AMOTL1: variants seen among roughly 807,000 people sequenced by gnomAD.
AMOTL1 encodes angiomotin like 1.
In AMOTL1, 45 loss-of-function variants were observed where a neutral mutation model predicts 102.9. That is an observed-to-expected ratio of 0.44 (90% CI 0.34 to 0.56). The LOEUF (loss-of-function observed/expected upper bound fraction) is 0.56, where lower values mean the gene tolerates loss of function less well. AMOTL1 is among the 20% of genes least tolerant of loss of function. The probability of loss-of-function intolerance (pLI) is 0.01; values close to 1 mark genes in which losing one functional copy is unlikely to be tolerated. For missense variants in AMOTL1, 1,114 were observed against 1,225.6 expected (o/e 0.91, Z 1.36); for synonymous variants, 481 against 484.7 (o/e 0.99, Z 0.10).
intron 10 of AMOTL1, 38 bp from the exon 11 acceptor site, chr11:94,865,904 G>A (rs761318937): frequency 3.8e-6 from 6 of 1,570,894 alleles, no homozygotes; most frequent in Non-Finnish European, 4.3e-6. Context: ...TTCTAGCCAA[G>A]TGGCTTTTTA....
At chr11:94,830,342 A>G in intron 5 of AMOTL1, 148 bp downstream of exon 5, 1 of 763,918 alleles carries the variant, frequency 1.3e-6, no homozygotes. Context: ...TGGGGAAGGG[A>G]GGAGGTGCTC....
intron 1 of AMOTL1, among the ~76,000 whole-genome samples, chr11:94,771,263 G>GT (rs1555067563): frequency 1.6e-4 from 24 of 146,632 alleles, no homozygotes; most frequent in African/African-American, 2.7e-4. Flanking sequence ...CGGGGTTGGG[G>GT]GGGGGGTGCG....
chr11:94,844,227 C>T (rs1952362152), intron 6 of AMOTL1, among the ~76,000 whole-genome samples: 1 of 152,132 alleles, frequency 6.6e-6, no homozygotes, highest in Admixed American at 6.5e-5. Context: ...GAAGCAGGTG[C>T]CAAAATGGGC....
intron 1 of AMOTL1, among the ~76,000 whole-genome samples, chr11:94,788,108 T>C (rs758316286): frequency 2.6e-5 from 4 of 152,186 alleles, no homozygotes; most frequent in African/African-American, 4.8e-5. Flanking sequence ...CCTAGGTCGT[T>C]CTAACTGCTG....
intron 3 of AMOTL1, among the ~76,000 whole-genome samples, chr11:94,753,205 G>T (rs1464706862): frequency 2.0e-5 from 3 of 151,924 alleles, no homozygotes; most frequent in Admixed American, 1.3e-4. Flanking sequence ...TTGTAGGCGG[G>T]TGATTAGGAT....
intron 3 of AMOTL1, among the ~76,000 whole-genome samples, chr11:94,745,166 G>A (rs937358228): frequency 6.6e-6 from 1 of 151,508 alleles, no homozygotes; most frequent in African/African-American, 2.4e-5. Flanking sequence ...CCATTAACTC[G>A]TCATTTACAT....
intron 1 of AMOTL1, among the ~76,000 whole-genome samples, chr11:94,728,320 C>A (rs12804246): frequency 6.6e-6 from 1 of 151,864 alleles, no homozygotes; most frequent in Non-Finnish European, 1.5e-5. Context: ...AGCCAAGAGC[C>A]CTTGTAACTG....
At chr11:94,840,513 A>G (rs1426045064) in intron 6 of AMOTL1, among the ~76,000 whole-genome samples, 1 of 152,004 alleles carries the variant, frequency 6.6e-6, no homozygotes, top group African/African-American at 2.4e-5. Context: ...AATTGTAGAC[A>G]ACACATTTCT....
At chr11:94,792,968 G>A (rs1951310461) in intron 1 of AMOTL1, among the ~76,000 whole-genome samples, 4 of 152,142 alleles carry the variant, frequency 2.6e-5, no homozygotes, top group African/African-American at 7.2e-5. Flanking sequence ...TACTGACATT[G>A]TAGTGACAGT....
chr11:94,832,618 A>G (rs1239321426), intron 6 of AMOTL1, among the ~76,000 whole-genome samples: 1 of 152,222 alleles, frequency 6.6e-6, no homozygotes, highest in Non-Finnish European at 1.5e-5. Context: ...TTCCAGATTC[A>G]CATAAAAGGC....
In AMOTL1 at chr11:94,768,956, G is replaced by A. The variant is rs374425004; in HGVS notation, c.49+396G>A. On this transcript the variant is annotated intron_variant, in intron 1 of 12. Transcript: ENST00000433060. ...GGGACGGAAGGGGGTGTCCGGTGCA[G>A]CTTTCCCCGGCGCGAGACAAAGGCG... Among the ~76,000 whole-genome samples the A allele has an allele frequency of 1.1e-3, 162 of 152,194 alleles. 3 individuals are homozygous for A. The South Asian group carries it at 0.032, about 30-fold the overall frequency.
intron 3 of AMOTL1, among the ~76,000 whole-genome samples, chr11:94,762,426 C>T (rs972748704): frequency 2.0e-5 from 3 of 152,222 alleles, no homozygotes; most frequent in Non-Finnish European, 4.4e-5. Flanking sequence ...GTGGTTGCCA[C>T]TGGCATCTAG....
rs1196979232 is a variant in AMOTL1 at position 94,874,776 on chromosome 11, C to T, written c.*3981C>T. 2 of 152,170 alleles carry T rather than the reference C, an allele frequency of 1.3e-5. No individual in the cohort carries two copies. Among genetic ancestry groups the T allele is most frequent in the Non-Finnish European group, 2.9e-5 (2 of 68,036 alleles). 9.4% of individuals were successfully genotyped at this position (152,170 alleles called of 1,614,324 possible). ...ACAGACTTCAGGTGAGGCTGCGGAC[C>T]TCAGAAGCAGTGGATAATAGATTGG... On this transcript the variant is annotated 3_prime_UTR_variant, in exon 13 of 13. Transcript: ENST00000433060.
chr11:94,738,552 C>T (rs890828451), intron 2 of AMOTL1, among the ~76,000 whole-genome samples: 1 of 152,110 alleles, frequency 6.6e-6, no homozygotes, highest in Non-Finnish European at 1.5e-5. Context: ...GCCACCATGC[C>T]CAGCCAATTT....
At chr11:94,723,677 T>A (rs12788753) in intron 1 of AMOTL1, among the ~76,000 whole-genome samples, 5,378 of 152,174 alleles carry the variant, frequency 0.035, 139 homozygotes, top group East Asian at 0.1. Flanking sequence ...AGAATAAGTA[T>A]CTCAACTCTC....
intron 7 of AMOTL1, 59 bp downstream of exon 7, chr11:94,850,318 C>T: frequency 6.6e-7 from 1 of 1,504,782 alleles, no homozygotes. Context: ...CAGAGGGCTT[C>T]CACTTTCTTT....
intron 2 of AMOTL1, among the ~76,000 whole-genome samples, chr11:94,730,443 C>T (rs1478263862): frequency 1.3e-5 from 2 of 152,188 alleles, no homozygotes; most frequent in African/African-American, 2.4e-5. Context: ...TCCTACCAAC[C>T]CCCATCCTGG....
upstream of AMOTL1, among the ~76,000 whole-genome samples, chr11:94,768,026 A>G (rs1950876559): frequency 6.6e-6 from 1 of 152,234 alleles, no homozygotes; most frequent in Admixed American, 6.5e-5. Context: ...AGATCCGGAA[A>G]CAGAATTTTG....
At position 94,850,059 on chromosome 11, in the gene AMOTL1, C is replaced by G. The variant is rs972758094; in HGVS notation, c.1649-55C>G. ...TTGCCAGATGTCGACTGGCCGTGAG[C>G]CCAGAGGGTGTGCAATTTCTGATAG... On this transcript the variant is annotated intron_variant, in intron 6 of 12. Coordinates refer to ENST00000433060, the MANE Select transcript of AMOTL1 (RefSeq NM_130847.3). 7 of 1,539,954 alleles carry G rather than the reference C, an allele frequency of 4.5e-6. No homozygotes were observed. The Admixed American group carries it at 9.9e-5, about 22-fold the overall frequency.
Sources: allele counts gnomAD v4.1 joint callset (sites outside exome capture counted in the v4.1 genomes callset), GRCh38; gene constraint gnomAD v4.1.1; transcripts MANE v1.5; gene names NCBI Gene and HGNC (gene_info 2026-07-23, HGNC 2026-07-21).